SNX10: variants seen among roughly 807,000 people sequenced by gnomAD.
SNX10 encodes the protein sorting nexin 10, also known as sorting nexin-10.
SNX10 carries 25 observed loss-of-function variants against 28.5 expected under a neutral mutation model. The observed-to-expected ratio is 0.88, with a 90% CI of 0.64 to 1.22. The LOEUF (loss-of-function observed/expected upper bound fraction) is 1.22, where lower values mean the gene tolerates loss of function less well. Ranked by LOEUF, SNX10 falls within the 50% of genes most tolerant of loss-of-function variation. The probability of loss-of-function intolerance (pLI) is 0.00; values close to 1 mark genes in which losing one functional copy is unlikely to be tolerated. For missense variants in SNX10, 223 were observed against 242.6 expected, an observed-to-expected ratio of 0.92 and a Z score of 0.54; for synonymous variants, 62 against 81.4, an observed-to-expected ratio of 0.76 and a Z score of 1.28.
At chr7:26,292,492 G>T (rs926804200) in intron 1 of SNX10, among the ~76,000 whole-genome samples, 3 of 152,084 alleles carry the variant, frequency 2.0e-5, no homozygotes, top group African/African-American at 7.2e-5. Flanking sequence ...TCATTAACGG[G>T]TAGCCTTGAG....
intron 1 of SNX10, among the ~76,000 whole-genome samples, chr7:26,307,967 T>C (rs1786663497): frequency 6.6e-6 from 1 of 152,210 alleles, no homozygotes; most frequent in Non-Finnish European, 1.5e-5. Flanking sequence ...ACTGCCATCA[T>C]GTCAAGCTTC....
chr7:26,364,460 A>G lies in SNX10; in HGVS notation c.112-75A>G, dbSNP rs1194343680. The G allele has an allele frequency of 1.1e-5, 16 of 1,500,876 alleles. No homozygotes were observed. Among genetic ancestry groups the G allele is most frequent in the Non-Finnish European group, 1.3e-5 (15 of 1,121,448 alleles). 93.0% of individuals were successfully genotyped at this position (1,500,876 alleles called of 1,614,324 possible). The stretch of plus-strand genomic sequence containing the variant: ...CCTATTTAGAGTGAATGTTGAGATC[A>G]TATTGTGAATTATAGATACAAGAAA... On this transcript the variant is annotated intron_variant, in intron 3 of 6. Coordinates refer to ENST00000338523, the MANE Select transcript of SNX10 (RefSeq NM_013322.3). This position sits in a 1 kb window ranked among gnomAD's most constrained non-coding sequence, Gnocchi z 4.9.
At chr7:26,370,288 T>C (rs181069442) in intron 5 of SNX10, 3 of 152,234 alleles carry the variant, frequency 2.0e-5, no homozygotes, top group African/African-American at 7.2e-5. Context: ...TATTTGTAAA[T>C]GTAGAAAATA....
At chr7:26,349,368 G>C (rs1360185978) in intron 2 of SNX10, among the ~76,000 whole-genome samples, 1 of 150,010 alleles carries the variant, frequency 6.7e-6, no homozygotes, top group African/African-American at 2.4e-5. Context: ...TTACATTTTG[G>C]GGGTGAGGAA....
chr7:26,301,441 T>A (rs1786362964), intron 1 of SNX10, among the ~76,000 whole-genome samples: 1 of 152,162 alleles, frequency 6.6e-6, no homozygotes, highest in Non-Finnish European at 1.5e-5. Context: ...GCTTCCAAGG[T>A]GCTGTGCCTT....
chr7:26,366,326 G>T (rs989188077), intron 5 of SNX10, among the ~76,000 whole-genome samples: 1 of 152,170 alleles, frequency 6.6e-6, no homozygotes, highest in African/African-American at 2.4e-5. Context: ...GATTGACTTA[G>T]TGCCTTTTCT....
At chr7:26,353,737 C>T (rs1161450604) in intron 2 of SNX10, among the ~76,000 whole-genome samples, 1 of 152,164 alleles carries the variant, frequency 6.6e-6, no homozygotes, top group Non-Finnish European at 1.5e-5. Flanking sequence ...TAGGCTTGAG[C>T]CACCACGCCC....
intron 1 of SNX10, among the ~76,000 whole-genome samples, chr7:26,298,855 G>C (rs1315151305): frequency 1.3e-5 from 2 of 152,186 alleles, no homozygotes; most frequent in African/African-American, 4.8e-5. Flanking sequence ...GAAAAAGAGA[G>C]AAAGAGAACA....
At chr7:26,351,648 T>G (rs908540147) in intron 2 of SNX10, among the ~76,000 whole-genome samples, 1 of 83,480 alleles carries the variant, frequency 1.2e-5, no homozygotes, top group African/African-American at 3.5e-5. Context: ...GCAGTCTGGT[T>G]TTTTTTTTTT....
intron 2 of SNX10, chr7:26,357,072 C>A (rs112616817): frequency 1.6e-6 from 2 of 1,226,358 alleles, no homozygotes; most frequent in Non-Finnish European, 2.1e-6. Flanking sequence ...TCAAGTCTTA[C>A]AAGACAGCCT....
intron 1 of SNX10, among the ~76,000 whole-genome samples, chr7:26,294,333 TATA>T (rs1336184218): frequency 2.0e-5 from 3 of 152,246 alleles, no homozygotes; most frequent in Non-Finnish European, 2.9e-5. Flanking sequence ...GAAATCTTGG[TATA>T]ATAATTTTCT....
chr7:26,295,413 A>G (rs1786072078), intron 1 of SNX10, among the ~76,000 whole-genome samples: 1 of 152,164 alleles, frequency 6.6e-6, no homozygotes, highest in Non-Finnish European at 1.5e-5. Flanking sequence ...GAGAATCTGT[A>G]GCTTTCTTCA....
chr7:26,323,849 C>T (rs1160851026), intron 1 of SNX10, among the ~76,000 whole-genome samples: 1 of 152,128 alleles, frequency 6.6e-6, no homozygotes, highest in African/African-American at 2.4e-5. Flanking sequence ...GTAGTGCCAA[C>T]AGGACATGTA....
chr7:26,347,094 A>G (rs1788418832), intron 2 of SNX10, among the ~76,000 whole-genome samples: 1 of 152,136 alleles, frequency 6.6e-6, no homozygotes, highest in Non-Finnish European at 1.5e-5. Context: ...GAAGCAGCAC[A>G]GGGGCCTGTC....
At chr7:26,333,008 ATCC>A (rs1395824751) in intron 1 of SNX10, among the ~76,000 whole-genome samples, 1 of 152,150 alleles carries the variant, frequency 6.6e-6, no homozygotes, top group Non-Finnish European at 1.5e-5. Context: ...GGAAGTGGGA[ATCC>A]TCCTGCTTTA....
intron 1 of SNX10, among the ~76,000 whole-genome samples, chr7:26,342,044 T>TTTG (rs1788201798): frequency 7.1e-6 from 1 of 141,012 alleles, no homozygotes; most frequent in Non-Finnish European, 1.5e-5. Context: ...TTTTTTTTTT[T>TTTG]AGATGCAGTC....
chr7:26,312,039 C>G (rs1190138013), intron 1 of SNX10, among the ~76,000 whole-genome samples: 1 of 152,074 alleles, frequency 6.6e-6, no homozygotes, highest in Non-Finnish European at 1.5e-5. Flanking sequence ...TGTCATGGAA[C>G]AGTGCTTTAT....
At chr7:26,327,284 A>G (rs893498888) in intron 1 of SNX10, among the ~76,000 whole-genome samples, 2 of 152,302 alleles carry the variant, frequency 1.3e-5, no homozygotes, top group East Asian at 3.9e-4. Flanking sequence ...CAGCCCTTCC[A>G]GTAAGCATAT....
At chr7:26,339,123 C>T (rs1379055506) in intron 1 of SNX10, among the ~76,000 whole-genome samples, 1 of 152,226 alleles carries the variant, frequency 6.6e-6, no homozygotes, top group Admixed American at 6.5e-5. Flanking sequence ...AGTTTTGTTT[C>T]AGAGTCAAAC....
Sources: allele counts gnomAD v4.1 joint callset (sites outside exome capture counted in the v4.1 genomes callset), GRCh38; gene constraint gnomAD v4.1.1; non-coding constraint Gnocchi (gnomAD v3.1); transcripts MANE v1.5; gene names NCBI Gene and HGNC (gene_info 2026-07-23, HGNC 2026-07-21).